Variants in GLIS3 observed in about 807,000 individuals in gnomAD.
GLIS3 encodes GLIS family zinc finger 3, also known as zinc finger protein GLIS3.
Under a neutral mutation model 78.6 loss-of-function variants are expected in GLIS3, and 53 were observed. The ratio of observed to expected loss-of-function variants is 0.67; its 90% CI spans 0.54 to 0.85. The LOEUF (loss-of-function observed/expected upper bound fraction) is 0.85, where lower values mean the gene tolerates loss of function less well. Ranked by LOEUF, GLIS3 falls within the 40% of genes least tolerant of loss-of-function variation. The probability of loss-of-function intolerance (pLI) is 0.00; values close to 1 mark genes in which losing one functional copy is unlikely to be tolerated. For synonymous variants in GLIS3, 684 were observed against 509.9 expected, an observed-to-expected ratio of 1.34 and a Z score of -4.60; for missense variants, 1,703 against 1,231.1, an observed-to-expected ratio of 1.38 and a Z score of -5.74.
At chr9:4,281,685 C>G (rs9697225) in intron 2 of GLIS3, among the ~76,000 whole-genome samples, 5,259 of 152,226 alleles carry the variant, frequency 0.035, 199 homozygotes, top group African/African-American at 0.077. Flanking sequence ...TTCCTTTTGG[C>G]TATCATAAAT....
At chr9:4,374,207 G>C in the GLIS3 span, among the ~76,000 whole-genome samples, 2 of 152,088 alleles carry the variant, frequency 1.3e-5, no homozygotes, top group Admixed American at 1.3e-4. Context: ...AGCACCATCA[G>C]GTATTTCTCC....
At chr9:4,206,034 G>C (rs1819850204) in intron 2 of GLIS3, among the ~76,000 whole-genome samples, 1 of 152,142 alleles carries the variant, frequency 6.6e-6, no homozygotes, top group Non-Finnish European at 1.5e-5. Flanking sequence ...GAAGCTGACA[G>C]AACTGATCTA....
chr9:4,095,570 G>C (rs961924555), intron 4 of GLIS3, among the ~76,000 whole-genome samples: 1 of 152,162 alleles, frequency 6.6e-6, no homozygotes, highest in Non-Finnish European at 1.5e-5. Flanking sequence ...GGAAGAGTCT[G>C]GGCCTAAGAA....
At chr9:3,947,686 T>C (rs927572331) in intron 4 of GLIS3, among the ~76,000 whole-genome samples, 7 of 152,200 alleles carry the variant, frequency 4.6e-5, no homozygotes, top group Admixed American at 6.5e-5. Context: ...GAGTGCAAGA[T>C]GCCAAATTTT....
At chr9:4,174,474 C>CA (rs976695653) in intron 2 of GLIS3, among the ~76,000 whole-genome samples, 39 of 152,060 alleles carry the variant, frequency 2.6e-4, no homozygotes, top group Non-Finnish European at 5.0e-4. Context: ...ACATAGGGTA[C>CA]AAATACCACA....
Position 3,953,764 on chromosome 9 carries a change from TCTCTCTCTCTCTCTCTCTCTCTCTCTCTC to T in GLIS3, c.1711-16604_1711-16576del, listed in dbSNP as rs1315148670. Among the ~76,000 whole-genome samples the T allele has an allele frequency of 9.8e-4, 49 of 49,764 alleles. 1 individual carries two copies. Among genetic ancestry groups the T allele is most frequent in the African/African-American group, 3.3e-3 (49 of 14,944 alleles). The allele number at this position is 49,764 out of a possible 152,430, so 32.6% of individuals were successfully genotyped here. ...TTGCCAATGATAATTAGATTTGCTC[TCTCTCTCTCTCTCTCTCTCTCTCTCTCTC>T]TCTATATATATATATATATATATAT... On this transcript the variant is annotated intron_variant, in intron 4 of 10. Coordinates refer to ENST00000381971, the MANE Select transcript of GLIS3 (RefSeq NM_001042413.2).
chr9:3,931,663 C>G (rs1825625803), intron 6 of GLIS3, among the ~76,000 whole-genome samples: 1 of 152,210 alleles, frequency 6.6e-6, no homozygotes, highest in African/African-American at 2.4e-5. Flanking sequence ...ACAGTGCAGT[C>G]AACCACTTGC....
intron 4 of GLIS3, among the ~76,000 whole-genome samples, chr9:4,096,218 A>G (rs1452499317): frequency 6.6e-6 from 1 of 152,200 alleles, no homozygotes; most frequent in Non-Finnish European, 1.5e-5. Context: ...GTTTCTACAT[A>G]GTGCTAAAAT....
the GLIS3 span, among the ~76,000 whole-genome samples, chr9:4,374,014 T>A: frequency 2.2e-4 from 33 of 152,326 alleles, no homozygotes; most frequent in South Asian, 2.3e-3. Context: ...ACTTCATACA[T>A]GGGCACCTTT....
intron 2 of GLIS3, among the ~76,000 whole-genome samples, chr9:4,253,851 C>A (rs922889457): frequency 1.3e-4 from 20 of 152,178 alleles, no homozygotes; most frequent in Admixed American, 5.9e-4. Flanking sequence ...CTTCCCCTGG[C>A]TAGGGGAGGG....
the GLIS3 span, among the ~76,000 whole-genome samples, chr9:4,385,801 GAAAGA>G: frequency 3.5e-4 from 23 of 66,036 alleles, 4 homozygotes; most frequent in African/African-American, 3.0e-4. Flanking sequence ...AAGAAAGAAA[GAAAGA>G]AAGAAAAGAA....
intron 2 of GLIS3, among the ~76,000 whole-genome samples, chr9:4,157,530 T>C (rs550515662): frequency 2.0e-5 from 3 of 152,282 alleles, no homozygotes; most frequent in East Asian, 1.9e-4. Flanking sequence ...GAACGATCTA[T>C]CATTCAATGA....
chr9:4,416,252 T>TTAAAAA, the GLIS3 span, among the ~76,000 whole-genome samples: 1 of 75,804 alleles, frequency 1.3e-5, no homozygotes, highest in African/African-American at 5.3e-5. Flanking sequence ...ACACTGTTTT[T>TTAAAAA]AAAAAAAAAA....
intron 2 of GLIS3, among the ~76,000 whole-genome samples, chr9:4,259,858 C>T (rs554146183): frequency 5.9e-5 from 9 of 152,246 alleles, no homozygotes; most frequent in African/African-American, 2.2e-4. Flanking sequence ...TCCTTCTTTG[C>T]CATGTGAACT....
intron 2 of GLIS3, among the ~76,000 whole-genome samples, chr9:4,257,579 G>GTTA (rs1275082522): frequency 6.1e-5 from 3 of 49,248 alleles, no homozygotes; most frequent in African/African-American, 1.5e-4. Context: ...TGTTGTTGTT[G>GTTA]TTGTTATTTT....
intron 6 of GLIS3, among the ~76,000 whole-genome samples, chr9:3,907,401 C>T (rs1025340340): frequency 6.6e-5 from 10 of 152,102 alleles, no homozygotes; most frequent in Non-Finnish European, 1.3e-4. Context: ...AAATAGACAA[C>T]GTGATCCTTT....
chr9:4,400,182 T>C, the GLIS3 span, among the ~76,000 whole-genome samples: 1 of 152,170 alleles, frequency 6.6e-6, no homozygotes, highest in Admixed American at 6.5e-5. Flanking sequence ...TTCTCGGCCT[T>C]TTGGCTAAAA....
chr9:4,307,438 C>T (rs1423469404), intron 4 of GLIS3, among the ~76,000 whole-genome samples: 1 of 152,142 alleles, frequency 6.6e-6, no homozygotes, highest in Non-Finnish European at 1.5e-5. Flanking sequence ...AGCCCCCAAG[C>T]CTGCTGTTTT....
At chr9:4,396,720 T>A in the GLIS3 span, among the ~76,000 whole-genome samples, 1 of 152,218 alleles carries the variant, frequency 6.6e-6, no homozygotes, top group African/African-American at 2.4e-5. Flanking sequence ...TGTACAGACA[T>A]AAATTTCACA....
Sources: gnomAD v4.1 joint callset for allele counts (sites outside exome capture counted in the v4.1 genomes callset) on GRCh38, gnomAD v4.1.1 for gene constraint, MANE v1.5 for transcripts, NCBI Gene and HGNC (gene_info 2026-07-23, HGNC 2026-07-21) for gene names.